CNTN1: variants seen among roughly 807,000 people sequenced by gnomAD.
CNTN1 encodes the protein contactin 1, also known as contactin-1.
CNTN1 carries 38 observed loss-of-function variants against 126.4 expected under a neutral mutation model. The observed-to-expected ratio is 0.30, with a 90% CI of 0.23 to 0.39. CNTN1 has a LOEUF of 0.39. CNTN1 is among the 10% of genes least tolerant of loss of function. CNTN1 has a pLI of 1.00. For synonymous variants in CNTN1, 413 were observed against 422.6 expected (o/e 0.98, Z 0.28); for missense variants, 1,009 against 1,248.4 (o/e 0.81, Z 2.89).
chr12:40,756,012 T>G (rs1938596609), intron 1 of CNTN1, among the ~76,000 whole-genome samples: 1 of 152,120 alleles, frequency 6.6e-6, no homozygotes, highest in African/African-American at 2.4e-5. Context: ...ATATGGTGTG[T>G]TTTGTTTTTC....
intron 1 of CNTN1, among the ~76,000 whole-genome samples, chr12:40,767,304 CTTT>C (rs10639318): frequency 0.01 from 924 of 89,666 alleles, 3 homozygotes; most frequent in Middle Eastern, 0.048. Flanking sequence ...CTGACCTTTC[CTTT>C]TTTTTTTTTT....
chr12:40,811,784 CT>C (rs1941074725), intron 1 of CNTN1, among the ~76,000 whole-genome samples: 1 of 148,198 alleles, frequency 6.7e-6, no homozygotes. Flanking sequence ...GTCTTTTCTC[CT>C]TTTTCCTTCG....
intron 1 of CNTN1, among the ~76,000 whole-genome samples, chr12:40,874,477 A>G (rs1413955391): frequency 6.6e-6 from 1 of 152,132 alleles, no homozygotes; most frequent in African/African-American, 2.4e-5. Flanking sequence ...TGTGTATATT[A>G]TTTTACAGAT....
chr12:40,811,606 T>C (rs1392954934), intron 1 of CNTN1, among the ~76,000 whole-genome samples: 1 of 152,152 alleles, frequency 6.6e-6, no homozygotes, highest in Non-Finnish European at 1.5e-5. Flanking sequence ...TGTTTAGATT[T>C]TCTATTTCAT....
chr12:40,907,460 C>T (rs1036670782), intron 1 of CNTN1, among the ~76,000 whole-genome samples: 1 of 152,116 alleles, frequency 6.6e-6, no homozygotes, highest in Non-Finnish European at 1.5e-5. Flanking sequence ...GATTTTACCA[C>T]GGAGATGATG....
At chr12:40,832,833 C>T (rs1941898166) in intron 1 of CNTN1, among the ~76,000 whole-genome samples, 1 of 152,084 alleles carries the variant, frequency 6.6e-6, no homozygotes, top group Admixed American at 6.5e-5. Flanking sequence ...ACACTCTGGG[C>T]CACTATCCAC....
chr12:40,778,333 A>T (rs900983884), intron 1 of CNTN1, among the ~76,000 whole-genome samples: 17 of 151,898 alleles, frequency 1.1e-4, no homozygotes, highest in Admixed American at 8.6e-4. Flanking sequence ...TTATTGGAAC[A>T]TAGCCACATG....
intron 1 of CNTN1, among the ~76,000 whole-genome samples, chr12:40,888,581 C>T (rs1944134454): frequency 6.6e-6 from 1 of 151,878 alleles, no homozygotes; most frequent in Non-Finnish European, 1.5e-5. Context: ...TTTAGACTCC[C>T]GATTACAACG....
intron 1 of CNTN1, among the ~76,000 whole-genome samples, chr12:40,730,444 C>A (rs1488860747): frequency 1.3e-5 from 2 of 152,196 alleles, no homozygotes; most frequent in African/African-American, 4.8e-5. Flanking sequence ...CTGTTAGATT[C>A]TGTTTAGTAA....
At chr12:40,886,558 G>A (rs956980506) in intron 1 of CNTN1, among the ~76,000 whole-genome samples, 1 of 152,098 alleles carries the variant, frequency 6.6e-6, no homozygotes, top group Non-Finnish European at 1.5e-5. Context: ...CTGTGCAGAA[G>A]CTCTTTAGTT....
intron 1 of CNTN1, among the ~76,000 whole-genome samples, chr12:40,827,044 T>C (rs890367066): frequency 6.6e-6 from 1 of 152,210 alleles, no homozygotes; most frequent in Non-Finnish European, 1.5e-5. Flanking sequence ...TTTATACATA[T>C]ATGTATTTGC....
At chr12:40,919,152 A>C (rs1367482228) in intron 4 of CNTN1, among the ~76,000 whole-genome samples, 1 of 152,170 alleles carries the variant, frequency 6.6e-6, no homozygotes, top group Non-Finnish European at 1.5e-5. Flanking sequence ...ATACCTACAG[A>C]TATGGATAAA....
At chr12:40,980,494 T>C (rs1158474179) in intron 15 of CNTN1, among the ~76,000 whole-genome samples, 1 of 150,112 alleles carries the variant, frequency 6.7e-6, no homozygotes, top group African/African-American at 2.4e-5. Flanking sequence ...ATGTGTTCAG[T>C]TCTGGGGAGG....
intron 14 of CNTN1, among the ~76,000 whole-genome samples, chr12:40,953,065 G>T (rs1470845145): frequency 1.3e-5 from 2 of 152,106 alleles, no homozygotes; most frequent in African/African-American, 4.8e-5. Flanking sequence ...TGTTAATACA[G>T]CGTCATCACT....
chr12:41,062,172 A>T, intron 23 of CNTN1, among the ~76,000 whole-genome samples: 1 of 152,194 alleles, frequency 6.6e-6, no homozygotes, highest in South Asian at 2.1e-4. Context: ...TTATTTTGTC[A>T]AAGTCATGAA....
At chr12:40,936,317 C>A (rs562775960) in intron 9 of CNTN1, among the ~76,000 whole-genome samples, 1 of 151,860 alleles carries the variant, frequency 6.6e-6, no homozygotes, top group Non-Finnish European at 1.5e-5. Flanking sequence ...GAGATGTTAC[C>A]GTGGCCACTA....
chr12:40,712,675 A>G (rs1291777032), intron 1 of CNTN1, among the ~76,000 whole-genome samples: 1 of 152,062 alleles, frequency 6.6e-6, no homozygotes, highest in East Asian at 1.9e-4. Context: ...GTAATTTGGG[A>G]ATGTTTATTT....
intron 17 of CNTN1, among the ~76,000 whole-genome samples, chr12:41,008,963 G>A (rs1283435467): frequency 6.6e-6 from 1 of 152,212 alleles, no homozygotes; most frequent in Non-Finnish European, 1.5e-5. Context: ...AGAGCTATCA[G>A]TTCAGCTGGT....
intron 1 of CNTN1, among the ~76,000 whole-genome samples, chr12:40,752,058 G>A (rs7315189): frequency 0.99 from 150,051 of 152,234 alleles, 73,973 homozygotes; most frequent in Middle Eastern, 1. Flanking sequence ...AATTTGTAAA[G>A]TATTTACAAA....
Sources: allele counts gnomAD v4.1 joint callset (sites outside exome capture counted in the v4.1 genomes callset), GRCh38; gene constraint gnomAD v4.1.1; transcripts MANE v1.5; gene names NCBI Gene and HGNC (gene_info 2026-07-23, HGNC 2026-07-21).